The following VAPA variants were observed in gnomAD, a reference collection of about 807,000 sequenced individuals.
VAPA encodes the protein VAMP associated protein A.
In VAPA, 6 loss-of-function variants were observed where a neutral mutation model predicts 25.6. That is an observed-to-expected ratio of 0.23 (90% CI 0.13 to 0.46). VAPA has a LOEUF of 0.46. Ranked by LOEUF, VAPA falls within the 20% of genes least tolerant of loss-of-function variation. The pLI is 0.99. For missense variants in VAPA, 244 were observed against 302.1 expected (o/e 0.81, Z 1.43); for synonymous variants, 112 against 106.2 (o/e 1.05, Z -0.34).
chr18:9,953,961 A>G, intron 5 of VAPA, 92 bp from the exon 6 acceptor site: 2 of 1,507,460 alleles, frequency 1.3e-6, no homozygotes, highest in Admixed American at 2.0e-5. Flanking sequence ...GCAACCACTA[A>G]TCTACTTTCC....
At chr18:9,950,735 C>T (rs770641782) in intron 5 of VAPA, 167 bp downstream of exon 5, 130 of 637,292 alleles carry the variant, frequency 2.0e-4, no homozygotes, top group Non-Finnish European at 3.2e-4. Flanking sequence ...ACAGTCTTCC[C>T]GTGGTTTCTC....
rs1321130329 is a variant in VAPA, at chr18:9,958,611, A to T, written c.*4400A>T. The stretch of plus-strand genomic sequence containing the variant: ...GGCATGGTAGTTTTTTTCAAGCTCC[A>T]ATCATCGGCCAGACAGTTGCTTTAT... On this transcript the variant is annotated 3_prime_UTR_variant, in exon 6 of 6. Transcript: ENST00000400000. The T allele has an allele frequency of 2.0e-5, 3 of 152,192 alleles. No homozygotes were observed. The highest frequency in any genetic ancestry group is 4.4e-5 in the Non-Finnish European group (3 of 68,036). The allele number at this position is 152,192 out of a possible 1,614,324, so 9.4% of individuals were successfully genotyped here. A position where few individuals can be genotyped will look rare whatever the true frequency, so the allele number is the denominator to read the frequency against.
At chr18:9,950,067 A>G (rs1599118234) in intron 4 of VAPA, 1 of 222,072 alleles carries the variant, frequency 4.5e-6, no homozygotes, top group Non-Finnish European at 8.9e-6. Flanking sequence ...TCATTGAATA[A>G]CTACTCTTGA....
At chr18:9,927,253 A>G (rs1202256704) in intron 1 of VAPA, among the ~76,000 whole-genome samples, 3 of 152,154 alleles carry the variant, frequency 2.0e-5, no homozygotes, top group Non-Finnish European at 2.9e-5. Flanking sequence ...TCATCGTAGA[A>G]TGTGAGTGAT....
chr18:9,929,754 C>A (rs1265552451), intron 1 of VAPA, among the ~76,000 whole-genome samples: 2 of 152,116 alleles, frequency 1.3e-5, no homozygotes, highest in African/African-American at 4.8e-5. Context: ...GGGAGCAACC[C>A]TCATTGAGAG....
intron 4 of VAPA, chr18:9,947,564 T>TA (rs2069438995): frequency 6.6e-6 from 1 of 152,240 alleles, no homozygotes; most frequent in Non-Finnish European, 1.5e-5. Flanking sequence ...TTTTAGTTGA[T>TA]ACACACCTTG....
intron 1 of VAPA, among the ~76,000 whole-genome samples, chr18:9,927,220 G>C (rs2069207824): frequency 6.6e-6 from 1 of 152,102 alleles, no homozygotes; most frequent in Non-Finnish European, 1.5e-5. Context: ...TAGATATGCT[G>C]CAAAGTAAAT....
chr18:9,936,410 A>G (rs1256124875), intron 3 of VAPA, 197 bp downstream of exon 3: 9 of 392,308 alleles, frequency 2.3e-5, no homozygotes, highest in Non-Finnish European at 4.1e-5. Context: ...TTTAGAAACA[A>G]TTTAGAAATG....
At chr18:9,924,907 A>G (rs933906161) in intron 1 of VAPA, 7 of 151,902 alleles carry the variant, frequency 4.6e-5, no homozygotes, top group Non-Finnish European at 1.0e-4. Context: ...TTAAAGTCAT[A>G]GTATAACATC....
intron 4 of VAPA, among the ~76,000 whole-genome samples, chr18:9,946,012 G>A (rs1340750802): frequency 2.6e-5 from 4 of 152,096 alleles, no homozygotes; most frequent in Admixed American, 6.5e-5. Flanking sequence ...GTAGGCCCAC[G>A]TTTATGTCTT....
rs71169911 is a variant in VAPA at position 9,943,841 on chromosome 18, C to CTTTTTTTTTTTTTTTTT, written c.418-6533_418-6517dup. Reference sequence around the variant, plus strand: ...TGACATTTGAAGGTGACATATTTCCCTTTTTTTTTTTTTTTTTTTTTTTTT... The same window carrying CTTTTTTTTTTTTTTTTT: ...TGACATTTGAAGGTGACATATTTCCCTTTTTTTTTTTTTTTTTTTTTTTTTTTTTTTTTTTTTTTTTT... On this transcript the variant is annotated intron_variant, in intron 4 of 5. Coordinates refer to ENST00000400000, the MANE Select transcript of VAPA (RefSeq NM_194434.3). 1.2e-4 allele frequency among the ~76,000 whole-genome samples: 6 copies of CTTTTTTTTTTTTTTTTT among 51,770 alleles called. 2 individuals are homozygous for CTTTTTTTTTTTTTTTTT. Among genetic ancestry groups the CTTTTTTTTTTTTTTTTT allele is most frequent in the Admixed American group, 3.1e-4 (1 of 3,266 alleles). 34.0% of individuals were successfully genotyped at this position (51,770 alleles called of 152,430 possible). A position where few individuals can be genotyped will look rare whatever the true frequency, so the allele number is the denominator to read the frequency against.
chr18:9,915,676 A>T (rs1414593408), intron 1 of VAPA: 1 of 152,254 alleles, frequency 6.6e-6, no homozygotes, highest in Admixed American at 6.5e-5. Flanking sequence ...AGCCAACTAC[A>T]TTGTTTTCCA....
chr18:9,959,127 C>G lies in VAPA; in HGVS notation c.*4916C>G, dbSNP rs1043927904. 6.6e-6 allele frequency: 1 copy of G among 152,168 alleles called. No homozygotes were observed. Among genetic ancestry groups the G allele is most frequent in the Non-Finnish European group, 1.5e-5 (1 of 68,026 alleles). The allele number at this position is 152,168 out of a possible 1,614,324, so 9.4% of individuals were successfully genotyped here. ...GTTCAATTAGCTCAAGTCTACACAG[C>G]TGAAGTAGCAGAGAAAGTGGGATCT... On this transcript the variant is annotated 3_prime_UTR_variant, in exon 6 of 6. Transcript: ENST00000400000.
intron 1 of VAPA, among the ~76,000 whole-genome samples, chr18:9,920,491 C>T (rs2069147564): frequency 6.6e-6 from 1 of 152,100 alleles, no homozygotes; most frequent in South Asian, 2.1e-4. Context: ...TTAGTAGAGA[C>T]GGGGTTTTGC....
At chr18:9,931,535 A>C (rs573079880) in intron 1 of VAPA, among the ~76,000 whole-genome samples, 9 of 152,314 alleles carry the variant, frequency 5.9e-5, no homozygotes, top group African/African-American at 2.2e-4. Flanking sequence ...ACAGTTGTAA[A>C]GTTCATAGAT....
chr18:9,929,303 AC>A (rs2069229602), intron 1 of VAPA, among the ~76,000 whole-genome samples: 1 of 151,978 alleles, frequency 6.6e-6, no homozygotes, highest in Non-Finnish European at 1.5e-5. Flanking sequence ...TCCTGCCCCC[AC>A]CCCCTGCTCC....
rs200438770 is a variant in VAPA at position 9,954,788 on chromosome 18, T to TA, written c.*586dup. 8.0e-3 allele frequency: 1,208 copies of TA among 151,872 alleles called. 15 individuals are homozygous for TA. Among genetic ancestry groups the TA allele is most frequent in the African/African-American group, 0.023 (942 of 41,312 alleles). The allele number at this position is 151,872 out of a possible 1,614,324, so 9.4% of individuals were successfully genotyped here. On this transcript the variant is annotated 3_prime_UTR_variant, in exon 6 of 6. Transcript: ENST00000400000. ...CAATCCTGTCCCATGGTATTTAACA[T>TA]AAAAAAAAATAAAACTGTTAACAGA...
rs955890291 is a variant in VAPA, at chr18:9,955,208, A to G, written c.*997A>G. 2 of 152,058 alleles carry G rather than the reference A, an allele frequency of 1.3e-5. No individual in the cohort carries two copies. Among genetic ancestry groups the G allele is most frequent in the Admixed American group, 1.3e-4 (2 of 15,280 alleles). The allele number at this position is 152,058 out of a possible 1,614,324, so 9.4% of individuals were successfully genotyped here. ...TACTTTTTAACCAGCCTAATAAATA[A>G]GTCTTACTACTTTTCATAATATTTC... On this transcript the variant is annotated 3_prime_UTR_variant, in exon 6 of 6. Coordinates refer to ENST00000400000, the MANE Select transcript of VAPA (RefSeq NM_194434.3).
At chr18:9,936,490 C>G (rs528638589) in intron 3 of VAPA, 1 of 243,234 alleles carries the variant, frequency 4.1e-6, no homozygotes, top group Admixed American at 5.5e-5. Context: ...ATGGGAGTAT[C>G]TCAAGCCCAG....
Sources: gnomAD v4.1 joint callset for allele counts (sites outside exome capture counted in the v4.1 genomes callset) on GRCh38, gnomAD v4.1.1 for gene constraint, MANE v1.5 for transcripts, NCBI Gene and HGNC (gene_info 2026-07-23, HGNC 2026-07-21) for gene names.